The following INTS6 variants were observed in gnomAD, a reference collection of about 807,000 sequenced individuals.
INTS6 encodes the protein integrator complex subunit 6.
INTS6 carries 16 observed loss-of-function variants against 104.9 expected under a neutral mutation model. That is an observed-to-expected ratio of 0.15 (90% CI 0.10 to 0.23). INTS6 has a LOEUF of 0.23. INTS6 is among the 10% of genes least tolerant of loss of function. The probability of loss-of-function intolerance (pLI) is 1.00; values close to 1 mark genes in which losing one functional copy is unlikely to be tolerated. For synonymous variants in INTS6, 324 were observed against 358.7 expected, an observed-to-expected ratio of 0.90 and a Z score of 1.09; for missense variants, 584 against 1,062.8, an observed-to-expected ratio of 0.55 and a Z score of 6.26.
intron 2 of INTS6, 83 bp from the exon 3 acceptor site, chr13:51,451,257 T>C: frequency 8.6e-7 from 1 of 1,168,062 alleles, no homozygotes; most frequent in Non-Finnish European, 1.2e-6. Flanking sequence ...GTTCACCAAG[T>C]AGCAGCTTCA....
chr13:51,410,690 A>G (rs779769673), intron 4 of INTS6, among the ~76,000 whole-genome samples: 26 of 152,196 alleles, frequency 1.7e-4, no homozygotes, highest in South Asian at 4.1e-4. Flanking sequence ...CAAACTAAAA[A>G]GAAAAAATAA....
chr13:51,347,163 T>G, the INTS6 span: 1 of 1,613,884 alleles, frequency 6.2e-7, no homozygotes, highest in Admixed American at 1.7e-5. Context: ...ACACAGATCC[T>G]GCCTTTCACC....
rs1322974915 is a variant in INTS6 at position 51,451,221 on chromosome 13, T to G, written c.190-47A>C. ...TTTTTTTTTTCATTTTTTAAAGCCATGTACACAGAGCCGTTATAATCTGAC... is the reference window on the plus strand; with the variant it reads ...TTTTTTTTTTCATTTTTTAAAGCCAGGTACACAGAGCCGTTATAATCTGAC... On this transcript the variant is annotated intron_variant, in intron 2 of 17. Coordinates refer to ENST00000311234, the MANE Select transcript of INTS6 (RefSeq NM_012141.3). 10 of 1,463,170 alleles carry G rather than the reference T, an allele frequency of 6.8e-6. No individual in the cohort carries two copies. The South Asian group carries it at 7.6e-5, about 11-fold the overall frequency. The allele number at this position is 1,463,170 out of a possible 1,614,324, so 90.6% of individuals were successfully genotyped here.
In INTS6 at chr13:51,379,496, C is replaced by T; in HGVS notation, c.1352G>A (p.Ser451Asn). 2 of 1,602,830 alleles carry T rather than the reference C, an allele frequency of 1.2e-6. No homozygotes were observed. Among genetic ancestry groups the T allele is most frequent in the Non-Finnish European group, 1.7e-6 (2 of 1,174,556 alleles). ...CAGTTTTTTGAGGTATGAAATGACACTGTAACTAAGTCCATATTCCATACT... is the reference window on the plus strand; with the variant it reads ...CAGTTTTTTGAGGTATGAAATGACATTGTAACTAAGTCCATATTCCATACT... ...ADSMEYGLSYSVISYLKKLSQ... is the reference protein window; with the variant it reads ...ADSMEYGLSYNVISYLKKLSQ... The change falls in exon 11 of 18, where the codon AGT (serine) becomes AAT (asparagine). Residue 451 changes from serine to asparagine, a missense_variant. This residue lies in a region of INTS6 where 144 missense variants were observed against 348.7 expected (regional missense o/e 0.41). Coordinates refer to ENST00000311234, the MANE Select transcript of INTS6 (RefSeq NM_012141.3).
At chr13:51,414,941 A>G (rs184549419) in intron 4 of INTS6, among the ~76,000 whole-genome samples, 1 of 151,816 alleles carries the variant, frequency 6.6e-6, no homozygotes, top group African/African-American at 2.4e-5. Flanking sequence ...AACAATCCCA[A>G]TCCCTACTTC....
intron 3 of INTS6, chr13:51,446,146 G>C (rs1363481140): frequency 6.6e-6 from 1 of 152,050 alleles, no homozygotes; most frequent in African/African-American, 2.4e-5. Flanking sequence ...CATAATGGGA[G>C]AAAATATTTG....
At chr13:51,415,768 G>A (rs117250025) in intron 4 of INTS6, among the ~76,000 whole-genome samples, 2,319 of 152,268 alleles carry the variant, frequency 0.015, 24 homozygotes, top group Non-Finnish European at 0.023. Flanking sequence ...AGAGTAAGTT[G>A]AGTCACCAAG....
At chr13:51,378,913 T>G (rs1012688808) in intron 11 of INTS6, among the ~76,000 whole-genome samples, 1 of 152,074 alleles carries the variant, frequency 6.6e-6, no homozygotes, top group African/African-American at 2.4e-5. Context: ...CAAACTGCCT[T>G]TTGATTTGTA....
At chr13:51,451,925 G>T in intron 2 of INTS6, 53 bp downstream of exon 2, 1 of 1,391,252 alleles carries the variant, frequency 7.2e-7, no homozygotes, top group South Asian at 1.2e-5. Flanking sequence ...GAGGGCGAGC[G>T]AGGAAGGAAC....
At chr13:51,450,215 T>G in intron 3 of INTS6, 1 of 984,986 alleles carries the variant, frequency 1.0e-6, no homozygotes, top group Non-Finnish European at 1.2e-6. Flanking sequence ...CTTTGTTACA[T>G]GTAACATTAT....
intron 4 of INTS6, among the ~76,000 whole-genome samples, chr13:51,411,180 T>C (rs1956679011): frequency 6.6e-6 from 1 of 151,128 alleles, no homozygotes; most frequent in Admixed American, 6.6e-5. Context: ...GCCACTGCAC[T>C]CCAGCCCGGG....
intron 4 of INTS6, among the ~76,000 whole-genome samples, chr13:51,403,711 T>C (rs1417835784): frequency 6.6e-6 from 1 of 152,056 alleles, no homozygotes; most frequent in South Asian, 2.1e-4. Flanking sequence ...ATAATCATGC[T>C]TCCCACTTAA....
downstream of INTS6, among the ~76,000 whole-genome samples, chr13:51,361,079 T>C (rs964361843): frequency 6.6e-6 from 1 of 152,064 alleles, no homozygotes; most frequent in Non-Finnish European, 1.5e-5. Flanking sequence ...TGGTAACATA[T>C]TGAGTCTTAA....
chr13:51,401,125 C>A (rs977069659), intron 4 of INTS6, among the ~76,000 whole-genome samples: 1 of 152,036 alleles, frequency 6.6e-6, no homozygotes, highest in Non-Finnish European at 1.5e-5. Context: ...AGATTAAGTA[C>A]AGTAATTACT....
downstream of INTS6, among the ~76,000 whole-genome samples, chr13:51,353,047 G>A (rs746437242): frequency 1.3e-5 from 2 of 152,116 alleles, no homozygotes; most frequent in Non-Finnish European, 2.9e-5. Flanking sequence ...ATATTGGTCT[G>A]TAATTTGTCT....
At chr13:51,352,813 G>T (rs907240075), downstream of INTS6, among the ~76,000 whole-genome samples, 1 of 152,108 alleles carries the variant, frequency 6.6e-6, no homozygotes, top group East Asian at 1.9e-4. Flanking sequence ...AGTCATGAAA[G>T]GGTGTTGGAC....
At chr13:51,399,707 G>GGT (rs149002451) in intron 4 of INTS6, among the ~76,000 whole-genome samples, 72 of 148,302 alleles carry the variant, frequency 4.9e-4, no homozygotes, top group African/African-American at 1.5e-3. Flanking sequence ...AGCCATTGTG[G>GGT]GTGTGTGTGT....
intron 14 of INTS6, 84 bp downstream of exon 14, chr13:51,374,570 C>A: frequency 6.5e-7 from 1 of 1,544,680 alleles, no homozygotes; most frequent in Non-Finnish European, 8.8e-7. Context: ...AAAATAGCTT[C>A]AGCTTACTTC....
At chr13:51,415,726 T>C (rs1484712717) in intron 4 of INTS6, among the ~76,000 whole-genome samples, 3 of 152,168 alleles carry the variant, frequency 2.0e-5, no homozygotes, top group Admixed American at 6.5e-5. Flanking sequence ...AGTAGAGTAA[T>C]ATATAATTAT....
Sources: gnomAD v4.1 joint callset for allele counts (sites outside exome capture counted in the v4.1 genomes callset) on GRCh38, gnomAD v4.1.1 for gene constraint, gnomAD v4.1.1 regional missense constraint, MANE v1.5 for transcripts, NCBI Gene and HGNC (gene_info 2026-07-23, HGNC 2026-07-21) for gene names.